Variants in LHFPL3 observed in about 807,000 individuals in gnomAD.
LHFPL3 encodes the protein LHFPL tetraspan subfamily member 3.
Under a neutral mutation model 19.3 loss-of-function variants are expected in LHFPL3, and 5 were observed. The observed-to-expected ratio is 0.26, with a 90% CI of 0.14 to 0.54. The LOEUF is 0.54. Among genes scored for constraint, LHFPL3 ranks in the 20% least tolerant of loss-of-function variants. The pLI is 0.94. For synonymous variants in LHFPL3, 133 were observed against 126.2 expected (o/e 1.05, Z -0.36); for missense variants, 249 against 307.4 (o/e 0.81, Z 1.42).
Position 104,739,551 on chromosome 7 carries a change from G to A in LHFPL3, c.682+2640G>A, listed in dbSNP as rs147518029. On this transcript the variant is annotated intron_variant, in intron 2 of 2. Coordinates refer to ENST00000424859, the MANE Select transcript of LHFPL3 (RefSeq NM_199000.3). The stretch of plus-strand genomic sequence containing the variant: ...GGGTGCTTTTACAAATTGCATGGAT[G>A]CATTGATATAACTTTTCACCTATTA... 8.6e-3 allele frequency among the ~76,000 whole-genome samples: 1,316 copies of A among 152,232 alleles called. 19 individuals are homozygous for A. Among genetic ancestry groups the A allele is most frequent in the Non-Finnish European group, 0.011 (715 of 68,004 alleles).
At chr7:104,812,176 T>C (rs1790481318) in intron 2 of LHFPL3, among the ~76,000 whole-genome samples, 1 of 152,184 alleles carries the variant, frequency 6.6e-6, no homozygotes, top group South Asian at 2.1e-4. Flanking sequence ...TTCATCACAG[T>C]CCACAAAGTC....
At chr7:104,521,248 T>C (rs1360790760) in intron 1 of LHFPL3, among the ~76,000 whole-genome samples, 1 of 152,158 alleles carries the variant, frequency 6.6e-6, no homozygotes, top group Admixed American at 6.6e-5. Context: ...TTCCATGTAG[T>C]TGAGTGGTTT....
chr7:104,330,699 G>A (rs1045104778), intron 1 of LHFPL3, among the ~76,000 whole-genome samples: 3 of 152,076 alleles, frequency 2.0e-5, no homozygotes, highest in African/African-American at 7.2e-5. Context: ...TCCTGAACGG[G>A]GAGTTCTGCG....
intron 1 of LHFPL3, among the ~76,000 whole-genome samples, chr7:104,730,870 T>C (rs1407268965): frequency 1.3e-5 from 2 of 152,240 alleles, no homozygotes; most frequent in African/African-American, 4.8e-5. Flanking sequence ...AGGGTTTTTA[T>C]GGTTTTAGGT....
At position 104,395,605 on chromosome 7, in the gene LHFPL3, A is replaced by AG. The variant is rs1392184163; in HGVS notation, c.445+66383dup. Among the ~76,000 whole-genome samples, 5 of 152,240 alleles carry AG rather than the reference A, an allele frequency of 3.3e-5. No homozygotes were observed. The East Asian group carries it at 9.7e-4, about 29-fold the overall frequency. ...TGACAGGAGAAGCAGGAGTTAGGAG[A>AG]GGTAGGAGTAATTGTGCGACAGGTG... On this transcript the variant is annotated intron_variant, in intron 1 of 2. Transcript: ENST00000424859.
At chr7:104,820,699 C>T (rs1790658836) in intron 2 of LHFPL3, among the ~76,000 whole-genome samples, 1 of 152,156 alleles carries the variant, frequency 6.6e-6, no homozygotes, top group Non-Finnish European at 1.5e-5. Context: ...CTCAGTCTGA[C>T]CTTCACTGCC....
At chr7:104,707,531 A>T (rs1358426163) in intron 1 of LHFPL3, among the ~76,000 whole-genome samples, 2 of 152,196 alleles carry the variant, frequency 1.3e-5, no homozygotes, top group African/African-American at 4.8e-5. Flanking sequence ...GGAACTTGTT[A>T]CCTTAAGGAG....
intron 2 of LHFPL3, among the ~76,000 whole-genome samples, chr7:104,779,744 G>C (rs1794689793): frequency 6.6e-6 from 1 of 152,216 alleles, no homozygotes; most frequent in South Asian, 2.1e-4. Context: ...GCTGGCCACT[G>C]CCAAACTTGA....
intron 1 of LHFPL3, among the ~76,000 whole-genome samples, chr7:104,345,745 CATA>C (rs1295726536): frequency 2.0e-5 from 3 of 151,822 alleles, no homozygotes; most frequent in South Asian, 2.1e-4. Flanking sequence ...GTGATGTAAA[CATA>C]ATAAGTGGTT....
intron 2 of LHFPL3, among the ~76,000 whole-genome samples, chr7:104,794,517 T>C (rs539478995): frequency 2.0e-5 from 3 of 152,200 alleles, no homozygotes; most frequent in African/African-American, 4.8e-5. Context: ...TAAAAGCAGA[T>C]GTTCATCACA....
intron 1 of LHFPL3, among the ~76,000 whole-genome samples, chr7:104,611,772 G>A (rs1372144210): frequency 6.6e-6 from 1 of 152,116 alleles, no homozygotes; most frequent in Admixed American, 6.6e-5. Flanking sequence ...TCTATGTAGG[G>A]ACAATAGAAT....
intron 1 of LHFPL3, among the ~76,000 whole-genome samples, chr7:104,625,792 T>C (rs1324517762): frequency 6.6e-6 from 1 of 152,202 alleles, no homozygotes; most frequent in Non-Finnish European, 1.5e-5. Context: ...TTTTTAACTC[T>C]TCCTTGGGGT....
rs34129003 is a variant in LHFPL3, at chr7:104,811,103, CTCTT to C, written c.682+74200_682+74203del. ...AAAGGCAACCTGCCTAAAATGAGAT[CTCTT>C]TCTTTCTCTCTCTTTCTCTCTCTCT... On this transcript the variant is annotated intron_variant, in intron 2 of 2. Coordinates refer to ENST00000424859, the MANE Select transcript of LHFPL3 (RefSeq NM_199000.3). Among the ~76,000 whole-genome samples the C allele has an allele frequency of 9.6e-3, 1,455 of 152,050 alleles. 26 individuals carry two copies. Among genetic ancestry groups the C allele is most frequent in the African/African-American group, 0.032 (1,330 of 41,484 alleles).
chr7:104,788,059 T>A (rs1420900342), intron 2 of LHFPL3, among the ~76,000 whole-genome samples: 1 of 152,192 alleles, frequency 6.6e-6, no homozygotes, highest in African/African-American at 2.4e-5. Flanking sequence ...CTATCCCTAG[T>A]GGTTCTTTTA....
intron 2 of LHFPL3, among the ~76,000 whole-genome samples, chr7:104,876,460 G>A (rs973610153): frequency 1.8e-4 from 27 of 151,870 alleles, no homozygotes; most frequent in Admixed American, 1.1e-3. Flanking sequence ...CAAAAAGTGG[G>A]CAAAGGATAT....
chr7:104,671,287 T>C (rs1792476465), intron 1 of LHFPL3, among the ~76,000 whole-genome samples: 3 of 152,182 alleles, frequency 2.0e-5, no homozygotes, highest in African/African-American at 7.2e-5. Flanking sequence ...TGATTGTAGA[T>C]AATGAAAAGC....
chr7:104,458,027 A>G (rs1186696345), intron 1 of LHFPL3, among the ~76,000 whole-genome samples: 2 of 149,738 alleles, frequency 1.3e-5, no homozygotes, highest in African/African-American at 4.9e-5. Context: ...CCTTTGTCAG[A>G]TGAGTAGGTT....
chr7:104,464,358 A>T (rs770777358), intron 1 of LHFPL3, among the ~76,000 whole-genome samples: 1 of 152,078 alleles, frequency 6.6e-6, no homozygotes, highest in Non-Finnish European at 1.5e-5. Flanking sequence ...CTGTTGGTGG[A>T]TACCATTCTT....
intron 1 of LHFPL3, among the ~76,000 whole-genome samples, chr7:104,374,981 C>T (rs986326538): frequency 6.6e-6 from 1 of 152,196 alleles, no homozygotes; most frequent in Non-Finnish European, 1.5e-5. Flanking sequence ...CTATTTGCTT[C>T]GAGCAATAAA....
Sources: gnomAD v4.1 joint callset for allele counts (sites outside exome capture counted in the v4.1 genomes callset) on GRCh38, gnomAD v4.1.1 for gene constraint, MANE v1.5 for transcripts, NCBI Gene and HGNC (gene_info 2026-07-23, HGNC 2026-07-21) for gene names.